Variants in PRKG1 observed in about 807,000 individuals in gnomAD.
PRKG1 encodes the protein cGMP-dependent protein kinase 1.
In PRKG1, 35 loss-of-function variants were observed where a neutral mutation model predicts 88.1. The observed-to-expected ratio is 0.40, with a 90% CI of 0.30 to 0.53. PRKG1 has a LOEUF of 0.53. PRKG1 is among the 20% of genes least tolerant of loss of function. The pLI is 0.59. For synonymous variants in PRKG1, 303 were observed against 292.5 expected (o/e 1.04, Z -0.37); for missense variants, 540 against 839.8 (o/e 0.64, Z 4.41).
chr10:52,020,814 C>A (rs1175655955), intron 5 of PRKG1, among the ~76,000 whole-genome samples: 1 of 152,128 alleles, frequency 6.6e-6, no homozygotes, highest in Non-Finnish European at 1.5e-5. Flanking sequence ...TCTCTTACTG[C>A]ACGTGCCCCG....
At chr10:52,145,413 T>C (rs1050999805) in intron 8 of PRKG1, among the ~76,000 whole-genome samples, 5 of 152,224 alleles carry the variant, frequency 3.3e-5, no homozygotes, top group Non-Finnish European at 7.3e-5. Context: ...AGTTTCTAAA[T>C]CATAAATATC....
intron 4 of PRKG1, among the ~76,000 whole-genome samples, chr10:51,827,677 T>C (rs1839910126): frequency 6.6e-6 from 1 of 152,140 alleles, no homozygotes; most frequent in African/African-American, 2.4e-5. Context: ...GAGTTAATTG[T>C]GTAAAAAGAA....
At chr10:51,220,947 T>C (rs746422633) in intron 2 of PRKG1, among the ~76,000 whole-genome samples, 26 of 152,064 alleles carry the variant, frequency 1.7e-4, no homozygotes, top group Non-Finnish European at 2.1e-4. Flanking sequence ...TTGTAGTATG[T>C]AGAAATCTAA....
intron 1 of PRKG1, among the ~76,000 whole-genome samples, chr10:51,118,239 A>T (rs1845174662): frequency 6.6e-6 from 1 of 152,216 alleles, no homozygotes; most frequent in Admixed American, 6.5e-5. Flanking sequence ...AGAAGTGGAT[A>T]TAATGGGATT....
intron 4 of PRKG1, among the ~76,000 whole-genome samples, chr10:51,812,179 T>C (rs1839473976): frequency 6.6e-6 from 1 of 152,196 alleles, no homozygotes; most frequent in African/African-American, 2.4e-5. Context: ...GAAATAAGCT[T>C]GTTTATTCCT....
chr10:51,819,837 A>G (rs1314382005), intron 4 of PRKG1, among the ~76,000 whole-genome samples: 1 of 152,134 alleles, frequency 6.6e-6, no homozygotes, highest in Non-Finnish European at 1.5e-5. Flanking sequence ...ACACTAGAGT[A>G]ACATTGTAGC....
intron 4 of PRKG1, among the ~76,000 whole-genome samples, chr10:51,869,736 TAA>T (rs1450195311): frequency 6.6e-6 from 1 of 152,168 alleles, no homozygotes; most frequent in Non-Finnish European, 1.5e-5. Context: ...ATAGATTCAA[TAA>T]AGATATATCA....
intron 1 of PRKG1, among the ~76,000 whole-genome samples, chr10:51,047,055 A>G (rs1365278117): frequency 1.3e-5 from 2 of 152,252 alleles, no homozygotes; most frequent in East Asian, 3.8e-4. Flanking sequence ...AGAATATTTA[A>G]GTAAAGAAAA....
chr10:51,675,757 C>G (rs1352607563), intron 3 of PRKG1, among the ~76,000 whole-genome samples: 2 of 152,110 alleles, frequency 1.3e-5, no homozygotes, highest in East Asian at 3.8e-4. Flanking sequence ...TTTCCTGGGG[C>G]CCCATGTAAT....
At chr10:51,862,145 A>G (rs934795620) in intron 4 of PRKG1, among the ~76,000 whole-genome samples, 2 of 152,126 alleles carry the variant, frequency 1.3e-5, no homozygotes, top group Admixed American at 1.3e-4. Context: ...GTGGCAAACA[A>G]TGGGGGAGAG....
intron 5 of PRKG1, among the ~76,000 whole-genome samples, chr10:51,979,774 A>G (rs1056563931): frequency 2.9e-4 from 44 of 151,998 alleles, no homozygotes; most frequent in African/African-American, 1.0e-3. Flanking sequence ...TTTCTAGTGC[A>G]TGTGCACAAA....
chr10:52,243,105 T>C (rs1840910662), intron 9 of PRKG1, among the ~76,000 whole-genome samples: 1 of 152,180 alleles, frequency 6.6e-6, no homozygotes, highest in Non-Finnish European at 1.5e-5. Context: ...ACATCTCTTT[T>C]GAGTACCTGT....
chr10:51,034,387 A>G (rs1843324702), intron 1 of PRKG1, among the ~76,000 whole-genome samples: 1 of 151,992 alleles, frequency 6.6e-6, no homozygotes, highest in Non-Finnish European at 1.5e-5. Flanking sequence ...GAATATTATC[A>G]TGCACTTCAC....
intron 2 of PRKG1, among the ~76,000 whole-genome samples, chr10:51,391,293 G>T (rs899050933): frequency 8.5e-5 from 13 of 152,312 alleles, no homozygotes; most frequent in African/African-American, 2.9e-4. Context: ...AACAACAAAA[G>T]AATTCACATA....
intron 5 of PRKG1, among the ~76,000 whole-genome samples, chr10:51,914,319 G>A (rs1842291137): frequency 6.6e-6 from 1 of 151,688 alleles, no homozygotes; most frequent in East Asian, 1.9e-4. Flanking sequence ...AAGTAGCAAA[G>A]ATTAACCTAA....
At chr10:51,247,228 C>G (rs1267102577) in intron 2 of PRKG1, among the ~76,000 whole-genome samples, 1 of 151,856 alleles carries the variant, frequency 6.6e-6, no homozygotes, top group Non-Finnish European at 1.5e-5. Flanking sequence ...TTTTGGTGCA[C>G]TGGGAAAATG....
At chr10:51,312,495 A>G (rs1433864954) in intron 2 of PRKG1, among the ~76,000 whole-genome samples, 3 of 152,192 alleles carry the variant, frequency 2.0e-5, no homozygotes, top group African/African-American at 7.2e-5. Flanking sequence ...TGATCATTAT[A>G]TGAAGACTAT....
At position 52,270,847 on chromosome 10, in the gene PRKG1, G is replaced by A. The variant is rs117577269; in HGVS notation, c.1174-503G>A. Among the ~76,000 whole-genome samples, 109 of 151,398 alleles carry A rather than the reference G, an allele frequency of 7.2e-4. No homozygotes were observed. In the East Asian group the frequency reaches 0.018, roughly 25 times the overall value. ...TAACAAACCTGCGCGTTGTACACAC[G>A]TACCCTAGAACTTAAAGTATAATAA... On this transcript the variant is annotated intron_variant, in intron 10 of 17. Transcript: ENST00000373980.
chr10:51,607,859 C>T (rs549065120), intron 3 of PRKG1, among the ~76,000 whole-genome samples: 1 of 152,212 alleles, frequency 6.6e-6, no homozygotes, highest in South Asian at 2.1e-4. Context: ...ACTCTTGGAA[C>T]AAACCAAATG....
Sources: allele counts gnomAD v4.1 joint callset (sites outside exome capture counted in the v4.1 genomes callset), GRCh38; gene constraint gnomAD v4.1.1; transcripts MANE v1.5; gene names NCBI Gene and HGNC (gene_info 2026-07-23, HGNC 2026-07-21).